ADGRL3: variants seen among roughly 807,000 people sequenced by gnomAD.
ADGRL3 encodes calcium-independent alpha-latrotoxin receptor 3.
ADGRL3 carries 62 observed loss-of-function variants against 153.5 expected under a neutral mutation model. The observed-to-expected ratio is 0.40, with a 90% CI of 0.33 to 0.50. The LOEUF is 0.50. Ranked by LOEUF, ADGRL3 falls within the 20% of genes least tolerant of loss-of-function variation. ADGRL3 has a pLI of 0.47. For missense variants in ADGRL3, 1,641 were observed against 1,859.4 expected, an observed-to-expected ratio of 0.88 and a Z score of 2.16; for synonymous variants, 710 against 672.5, an observed-to-expected ratio of 1.06 and a Z score of -0.86.
chr4:61,449,035 A>C (rs1360670107), intron 2 of ADGRL3, among the ~76,000 whole-genome samples: 1 of 152,182 alleles, frequency 6.6e-6, no homozygotes, highest in African/African-American at 2.4e-5. Context: ...GATATATTTT[A>C]TTTAGAGCAC....
chr4:61,804,999 A>G (rs981695720), intron 8 of ADGRL3, among the ~76,000 whole-genome samples: 1 of 148,696 alleles, frequency 6.7e-6, no homozygotes, highest in Non-Finnish European at 1.5e-5. Flanking sequence ...TCTGTCGCCC[A>G]GGCTGGAGTG....
rs2095886935 is a variant in ADGRL3 at position 61,345,698 on chromosome 4, TTC to T, written c.-239-37424_-239-37423del. On this transcript the variant is annotated intron_variant, in intron 1 of 26. Coordinates refer to ENST00000683033, the MANE Select transcript of ADGRL3 (RefSeq NM_001387552.1). ...AAAGTTTCTGTGGCATATTACACTTTTCTGTTTCTTTTGTCCTCTTACAAAAT... is the reference window on the plus strand; with the variant it reads ...AAAGTTTCTGTGGCATATTACACTTTTGTTTCTTTTGTCCTCTTACAAAAT... Among the ~76,000 whole-genome samples, 4 of 152,216 alleles carry T rather than the reference TTC, an allele frequency of 2.6e-5. No individual in the cohort carries two copies. The South Asian group carries it at 8.3e-4, about 31-fold the overall frequency.
At chr4:62,029,589 C>T (rs925609719) in intron 22 of ADGRL3, among the ~76,000 whole-genome samples, 1 of 151,520 alleles carries the variant, frequency 6.6e-6, no homozygotes, top group Admixed American at 6.6e-5. Flanking sequence ...GATTGGTAAC[C>T]TATGGGCAAC....
At position 62,075,654 on chromosome 4, in the gene ADGRL3, G is replaced by T. The variant is rs753713655; in HGVS notation, c.*4746G>T. The T allele has an allele frequency of 3.0e-4, 45 of 152,144 alleles. No homozygotes were observed. The highest frequency in any genetic ancestry group is 6.2e-4 in the Non-Finnish European group (42 of 68,004). 9.4% of individuals were successfully genotyped at this position (152,144 alleles called of 1,614,324 possible). ...ATTTCTAAGTAACGTTTTCAATATA[G>T]CTTATATTAGATTTCTGCACATCAT... On this transcript the variant is annotated 3_prime_UTR_variant, in exon 27 of 27. Transcript: ENST00000683033.
At chr4:61,536,260 T>G (rs2098655272) in intron 4 of ADGRL3, among the ~76,000 whole-genome samples, 1 of 152,106 alleles carries the variant, frequency 6.6e-6, no homozygotes, top group South Asian at 2.1e-4. Context: ...TGATATTATT[T>G]CAATTCTTTC....
intron 21 of ADGRL3, among the ~76,000 whole-genome samples, chr4:62,025,411 A>G (rs1717930333): frequency 6.6e-6 from 1 of 152,174 alleles, no homozygotes; most frequent in African/African-American, 2.4e-5. Context: ...TGTGAACACT[A>G]CAATCCTAAA....
At chr4:61,984,627 A>G (rs1406197773) in intron 19 of ADGRL3, among the ~76,000 whole-genome samples, 1 of 152,098 alleles carries the variant, frequency 6.6e-6, no homozygotes, top group Non-Finnish European at 1.5e-5. Context: ...TGTCAAAATT[A>G]ATTTAAGTAA....
At chr4:61,873,378 A>G (rs1298260713) in intron 9 of ADGRL3, among the ~76,000 whole-genome samples, 7 of 152,186 alleles carry the variant, frequency 4.6e-5, no homozygotes, top group East Asian at 1.9e-4. Flanking sequence ...CAAGCGTGCA[A>G]TTGAGATGCT....
intron 3 of ADGRL3, among the ~76,000 whole-genome samples, chr4:61,513,903 A>G (rs989684577): frequency 2.0e-5 from 3 of 152,182 alleles, no homozygotes; most frequent in Admixed American, 2.0e-4. Context: ...TTAAAATTAC[A>G]TGCAACAGAG....
intron 2 of ADGRL3, among the ~76,000 whole-genome samples, chr4:61,389,996 C>A (rs2096784007): frequency 6.6e-6 from 1 of 151,864 alleles, no homozygotes; most frequent in African/African-American, 2.4e-5. Flanking sequence ...TTTTTCCCTC[C>A]AAAACAAAAA....
chr4:61,472,919 T>C (rs1405114793), intron 2 of ADGRL3, among the ~76,000 whole-genome samples: 1 of 152,144 alleles, frequency 6.6e-6, no homozygotes, highest in African/African-American at 2.4e-5. Context: ...TTTGGTACAT[T>C]TTCTTTTGTC....
chr4:61,777,994 A>G (rs1282855143), intron 8 of ADGRL3, among the ~76,000 whole-genome samples: 1 of 152,204 alleles, frequency 6.6e-6, no homozygotes, highest in Non-Finnish European at 1.5e-5. Context: ...CGTGAAAATT[A>G]GAAATCTGAA....
In ADGRL3 at chr4:61,947,078, G is replaced by T. The variant is rs1192167993; in HGVS notation, c.2584G>T (p.Val862Phe). The T allele has an allele frequency of 3.1e-6, 5 of 1,613,766 alleles. No individual in the cohort carries two copies. Among genetic ancestry groups the T allele is most frequent in the Non-Finnish European group, 4.2e-6 (5 of 1,179,770 alleles). Residue 862 changes from valine to phenylalanine, a missense_variant, in exon 16 of 27, where the codon GTT becomes TTT. Around this residue, in one of 5 missense-constraint regions of ADGRL3, gnomAD observed 734 missense variants for 797.0 expected, o/e 0.92. Transcript: ENST00000683033. ...AATAAACAAAGAGTTCAGTAACAAGGTTTATTTGGCTGATCCTGTGGTATT... is the reference window on the plus strand; with the variant it reads ...AATAAACAAAGAGTTCAGTAACAAGTTTTATTTGGCTGATCCTGTGGTATT... ...AAINKEFSNK[V>F]YLADPVVFTV...
At chr4:61,486,893 T>G (rs1282823685) in intron 2 of ADGRL3, among the ~76,000 whole-genome samples, 2 of 152,166 alleles carry the variant, frequency 1.3e-5, no homozygotes, top group Non-Finnish European at 2.9e-5. Context: ...ACCCAATACA[T>G]GCATGAGTAA....
chr4:61,461,933 A>G (rs753219881), intron 2 of ADGRL3, among the ~76,000 whole-genome samples: 2 of 152,164 alleles, frequency 1.3e-5, no homozygotes, highest in African/African-American at 2.4e-5. Context: ...TTTCCTAATT[A>G]CTTAAAATAG....
intron 9 of ADGRL3, among the ~76,000 whole-genome samples, chr4:61,826,046 C>T (rs147862689): frequency 7.9e-5 from 12 of 152,154 alleles, no homozygotes; most frequent in Admixed American, 2.6e-4. Flanking sequence ...TTTGATGTGA[C>T]GGTACAATAG....
At chr4:61,775,557 C>T (rs2097138334) in intron 8 of ADGRL3, 3 of 831,012 alleles carry the variant, frequency 3.6e-6, no homozygotes, top group Non-Finnish European at 6.2e-6. Context: ...GAGGCTTCCC[C>T]TCTCTGTCAG....
rs1422492336 is a variant in ADGRL3 at position 61,589,186 on chromosome 4, C to A, written c.473+1746C>A. Among the ~76,000 whole-genome samples the A allele has an allele frequency of 3.3e-5, 5 of 151,994 alleles. No homozygotes were observed. The East Asian group carries it at 7.7e-4, about 24-fold the overall frequency. On this transcript the variant is annotated intron_variant, in intron 5 of 26. Coordinates refer to ENST00000683033, the MANE Select transcript of ADGRL3 (RefSeq NM_001387552.1). ...ACCGTTAGTAAATCACTTGTGTAAA[C>A]CCTCCTGGTGGTTTCACAAATATGA...
At chr4:61,847,831 A>T (rs368596284) in intron 9 of ADGRL3, among the ~76,000 whole-genome samples, 619 of 7,920 alleles carry the variant, frequency 0.078, 65 homozygotes, top group Non-Finnish European at 0.16. Flanking sequence ...ATAATATAAA[A>T]TATATATATA....
Sources: allele counts gnomAD v4.1 joint callset (sites outside exome capture counted in the v4.1 genomes callset), GRCh38; gene constraint gnomAD v4.1.1; regional missense constraint gnomAD v4.1.1; transcripts MANE v1.5; gene names NCBI Gene and HGNC (gene_info 2026-07-23, HGNC 2026-07-21).